The following GPC6 variants were observed in gnomAD, a reference collection of about 807,000 sequenced individuals.
GPC6 encodes glypican 6.
GPC6 carries 14 observed loss-of-function variants against 55.2 expected under a neutral mutation model. That is an observed-to-expected ratio of 0.25 (90% CI 0.17 to 0.40). The LOEUF (loss-of-function observed/expected upper bound fraction) is 0.40, where lower values mean the gene tolerates loss of function less well. GPC6 is among the 10% of genes least tolerant of loss of function. The probability of loss-of-function intolerance (pLI) is 1.00; values close to 1 mark genes in which losing one functional copy is unlikely to be tolerated. For synonymous variants in GPC6, 278 were observed against 259.6 expected (o/e 1.07, Z -0.68); for missense variants, 641 against 708.5 (o/e 0.90, Z 1.08).
chr13:93,234,234 C>T (rs1233270873), intron 1 of GPC6, among the ~76,000 whole-genome samples: 7 of 152,056 alleles, frequency 4.6e-5, no homozygotes, highest in Non-Finnish European at 8.8e-5. Flanking sequence ...GGTGGTGGCC[C>T]GTTTGTTAGC....
At chr13:93,729,903 C>T (rs751791123) in intron 2 of GPC6, among the ~76,000 whole-genome samples, 3 of 152,072 alleles carry the variant, frequency 2.0e-5, no homozygotes, top group Non-Finnish European at 4.4e-5. Context: ...TAAACAATGG[C>T]AAATACAAGA....
At chr13:94,275,086 A>T (rs1001714910) in intron 4 of GPC6, among the ~76,000 whole-genome samples, 11 of 152,224 alleles carry the variant, frequency 7.2e-5, no homozygotes, top group South Asian at 2.1e-4. Context: ...AAAGATTTTT[A>T]AAAATTATTC....
At chr13:93,403,000 T>A (rs1387129603) in intron 1 of GPC6, among the ~76,000 whole-genome samples, 2 of 152,170 alleles carry the variant, frequency 1.3e-5, no homozygotes, top group African/African-American at 4.8e-5. Context: ...AAAATACACA[T>A]TTATAAATCT....
chr13:94,405,346 T>C lies in GPC6; in HGVS notation c.*2129T>C, dbSNP rs1369403808. On this transcript the variant is annotated 3_prime_UTR_variant, in exon 9 of 9. Coordinates refer to ENST00000377047, the MANE Select transcript of GPC6 (RefSeq NM_005708.5). Reference sequence around the variant, plus strand: ...CCACAAATTCCACATAAGACTTCTCTATGAAGGACCAGTCATTTACATTGC... The same window carrying C: ...CCACAAATTCCACATAAGACTTCTCCATGAAGGACCAGTCATTTACATTGC... 6.6e-6 allele frequency: 1 copy of C among 152,226 alleles called. No individual in the cohort carries two copies. The highest frequency in any genetic ancestry group is 1.5e-5 in the Non-Finnish European group (1 of 68,028). The allele number at this position is 152,226 out of a possible 1,614,324, so 9.4% of individuals were successfully genotyped here.
At chr13:93,261,588 A>G (rs969803178) in intron 1 of GPC6, among the ~76,000 whole-genome samples, 1 of 152,222 alleles carries the variant, frequency 6.6e-6, no homozygotes, top group Non-Finnish European at 1.5e-5. Flanking sequence ...GCATGGAATA[A>G]AAGAGAAAAC....
intron 4 of GPC6, among the ~76,000 whole-genome samples, chr13:94,133,886 A>G (rs1162443038): frequency 6.6e-6 from 1 of 152,100 alleles, no homozygotes; most frequent in African/African-American, 2.4e-5. Flanking sequence ...AAACTGATCC[A>G]CCTCCTGCCA....
rs530924958 is a variant in GPC6 at position 93,273,562 on chromosome 13, G to A, written c.160+45946G>A. Among the ~76,000 whole-genome samples the A allele has an allele frequency of 2.8e-3, 424 of 152,154 alleles. 3 individuals are homozygous for A. Among genetic ancestry groups the A allele is most frequent in the African/African-American group, 9.4e-3 (392 of 41,536 alleles). The stretch of plus-strand genomic sequence containing the variant: ...AGTCCCAGCTACTCGGGAGGCTGAG[G>A]CAGGAGAATGGCATGAACCCGGGAG... On this transcript the variant is annotated intron_variant, in intron 1 of 8. Transcript: ENST00000377047.
At chr13:93,686,636 A>G (rs1413991990) in intron 2 of GPC6, among the ~76,000 whole-genome samples, 1 of 152,202 alleles carries the variant, frequency 6.6e-6, no homozygotes, top group Non-Finnish European at 1.5e-5. Context: ...TTTTACCAAA[A>G]TGAGTAAACA....
intron 3 of GPC6, among the ~76,000 whole-genome samples, chr13:93,998,088 C>T (rs1002240111): frequency 6.6e-6 from 1 of 152,030 alleles, no homozygotes; most frequent in African/African-American, 2.4e-5. Flanking sequence ...TAGAGTTTTC[C>T]GATTTCTGTA....
intron 2 of GPC6, among the ~76,000 whole-genome samples, chr13:93,821,045 G>A (rs1887030096): frequency 6.6e-6 from 1 of 152,146 alleles, no homozygotes. Context: ...GATATGTTTT[G>A]TTGAATTAAT....
At chr13:93,229,794 G>A (rs1469795320) in intron 1 of GPC6, among the ~76,000 whole-genome samples, 5 of 151,748 alleles carry the variant, frequency 3.3e-5, no homozygotes, top group Non-Finnish European at 5.9e-5. Context: ...GTCCTTTGAT[G>A]CTGGTAGACA....
At chr13:93,299,458 T>C (rs185015689) in intron 1 of GPC6, among the ~76,000 whole-genome samples, 7 of 152,322 alleles carry the variant, frequency 4.6e-5, no homozygotes, top group Admixed American at 4.6e-4. Flanking sequence ...ATGAATTCCA[T>C]AATAAATGTT....
rs1193291859 is a variant in GPC6, at chr13:94,407,418, A to G, written c.*4201A>G. 6.6e-6 allele frequency: 1 copy of G among 152,136 alleles called. No individual in the cohort carries two copies. The highest frequency in any genetic ancestry group is 6.5e-5 in the Admixed American group (1 of 15,268). The allele number at this position is 152,136 out of a possible 1,614,324, so 9.4% of individuals were successfully genotyped here. A position where few individuals can be genotyped will look rare whatever the true frequency, so the allele number is the denominator to read the frequency against. ...AAAAATCTACCAGTGCCCTTTCTGC[A>G]TTTTCTTAATTATTGTCATAGTCTA... On this transcript the variant is annotated 3_prime_UTR_variant, in exon 9 of 9. Coordinates refer to ENST00000377047, the MANE Select transcript of GPC6 (RefSeq NM_005708.5).
intron 4 of GPC6, among the ~76,000 whole-genome samples, chr13:94,239,675 A>G (rs551723103): frequency 2.0e-5 from 3 of 152,266 alleles, no homozygotes; most frequent in Non-Finnish European, 4.4e-5. Context: ...TTCTTGCGAA[A>G]TGATAGTTTC....
At chr13:93,439,936 A>G (rs544204707) in intron 1 of GPC6, among the ~76,000 whole-genome samples, 1 of 152,276 alleles carries the variant, frequency 6.6e-6, no homozygotes, top group Non-Finnish European at 1.5e-5. Flanking sequence ...GGCACAAAAT[A>G]ATTAATAGTT....
chr13:93,583,413 C>G (rs1335831874), intron 2 of GPC6, among the ~76,000 whole-genome samples: 1 of 85,570 alleles, frequency 1.2e-5, no homozygotes, highest in Non-Finnish European at 3.2e-5. Context: ...GAAGATACCT[C>G]TTTTATTTTA....
At chr13:94,202,449 C>G (rs1889782483) in intron 4 of GPC6, among the ~76,000 whole-genome samples, 1 of 152,004 alleles carries the variant, frequency 6.6e-6, no homozygotes, top group African/African-American at 2.4e-5. Flanking sequence ...TGGTGGCAGA[C>G]AAGAAAGAAT....
intron 2 of GPC6, among the ~76,000 whole-genome samples, chr13:93,577,912 T>A (rs529225378): frequency 6.6e-6 from 1 of 152,240 alleles, no homozygotes. Context: ...CGGGTTTTTA[T>A]CACAAAGGCA....
chr13:94,354,726 T>C (rs1878710573), intron 6 of GPC6, among the ~76,000 whole-genome samples: 1 of 152,254 alleles, frequency 6.6e-6, no homozygotes, highest in Admixed American at 6.5e-5. Context: ...ATTGGCATTA[T>C]CTGAGAAGGC....
Sources: gnomAD v4.1 joint callset for allele counts (sites outside exome capture counted in the v4.1 genomes callset) on GRCh38, gnomAD v4.1.1 for gene constraint, MANE v1.5 for transcripts, NCBI Gene and HGNC (gene_info 2026-07-23, HGNC 2026-07-21) for gene names.